RALGAPA2: variants seen among roughly 807,000 people sequenced by gnomAD.
RALGAPA2 encodes the protein Ral GTPase activating protein catalytic subunit alpha 2.
Under a neutral mutation model 230.4 loss-of-function variants are expected in RALGAPA2, and 139 were observed. The observed-to-expected ratio is 0.60, with a 90% confidence interval of 0.53 to 0.69. The LOEUF (loss-of-function observed/expected upper bound fraction) is 0.69. RALGAPA2 is among the 30% of genes least tolerant of loss of function. The pLI is 0.00. For synonymous variants in RALGAPA2, 847 were observed against 837.8 expected (o/e 1.01, Z -0.19); for missense variants, 2,163 against 2,276.0 (o/e 0.95, Z 1.01).
chr20:20,404,921 T>C (rs2059915239), intron 38 of RALGAPA2, among the ~76,000 whole-genome samples: 1 of 152,222 alleles, frequency 6.6e-6, no homozygotes, highest in South Asian at 2.1e-4. Context: ...TCTGGGAACC[T>C]ATGAATACTC....
chr20:20,603,775 A>T (rs1164023587), intron 15 of RALGAPA2, among the ~76,000 whole-genome samples: 1 of 152,238 alleles, frequency 6.6e-6, no homozygotes, highest in African/African-American at 2.4e-5. Context: ...CAACTCATCA[A>T]ATCAAGATAA....
At chr20:20,565,703 G>T (rs1050486189) in intron 23 of RALGAPA2, among the ~76,000 whole-genome samples, 4 of 152,142 alleles carry the variant, frequency 2.6e-5, no homozygotes, top group African/African-American at 9.7e-5. Context: ...AAAGCAAAAT[G>T]TTCCTACAAG....
Position 20,619,407 on chromosome 20 carries a change from GATGAGGCCTTCAGAAGAT to G in RALGAPA2, c.1402-11_1408del. ...AGATCGTTTATGACCAGAACTTTCA[GATGAGGCCTTCAGAAGAT>G]AATGATCCATTAACAGAGTGGAAGA... On this transcript the variant is annotated splice_acceptor_variant and splice_polypyrimidine_tract_variant and coding_sequence_variant and intron_variant, in exon 12 of 40. Transcript: ENST00000202677. LOFTEE classifies it high-confidence loss of function. 1 of 1,599,228 alleles carries G rather than the reference GATGAGGCCTTCAGAAGAT, an allele frequency of 6.3e-7. No individual in the cohort carries two copies. The highest frequency in any genetic ancestry group is 8.5e-7 in the Non-Finnish European group (1 of 1,171,010).
intron 37 of RALGAPA2, among the ~76,000 whole-genome samples, chr20:20,463,495 T>G (rs1169525221): frequency 6.6e-6 from 1 of 152,166 alleles, no homozygotes; most frequent in Non-Finnish European, 1.5e-5. Context: ...AAAGGGAAAA[T>G]TAATAAATTT....
chr20:20,680,614 T>A (rs746068999), intron 2 of RALGAPA2, 77 bp downstream of exon 2: 4 of 1,430,056 alleles, frequency 2.8e-6, no homozygotes, highest in Non-Finnish European at 3.7e-6. Context: ...TAAAAATGTA[T>A]AATTTGTGGC....
chr20:20,489,959 A>C (rs949351583), intron 36 of RALGAPA2, among the ~76,000 whole-genome samples: 5 of 152,264 alleles, frequency 3.3e-5, no homozygotes, highest in African/African-American at 1.2e-4. Context: ...AAAGCAAATA[A>C]GAAGAAGATG....
rs6137063 is a variant in RALGAPA2, at chr20:20,570,616, T to G, written c.3156+842A>C. On this transcript the variant is annotated intron_variant, in intron 23 of 39. Coordinates refer to ENST00000202677, the MANE Select transcript of RALGAPA2 (RefSeq NM_020343.4). ...TCTATTCCTTTCTTTCCATCCCCAA[T>G]GCTACCGGCTTAGTTCTTATCATTT... Among the ~76,000 whole-genome samples, 46 of 152,304 alleles carry G rather than the reference T, an allele frequency of 3.0e-4. 1 individual carries two copies. In the East Asian group the frequency reaches 8.9e-3, roughly 29 times the overall value.
chr20:20,449,777 C>T (rs2060947467), intron 37 of RALGAPA2, among the ~76,000 whole-genome samples: 1 of 152,180 alleles, frequency 6.6e-6, no homozygotes, highest in Non-Finnish European at 1.5e-5. Context: ...TAAATATATG[C>T]TGTTGTCTGG....
intron 3 of RALGAPA2, among the ~76,000 whole-genome samples, chr20:20,666,321 C>T (rs1377304443): frequency 2.0e-5 from 3 of 152,144 alleles, no homozygotes; most frequent in East Asian, 3.8e-4. Context: ...GACCAAAGAG[C>T]TGCATTCAAA....
chr20:20,615,263 C>T (rs1238569964), intron 13 of RALGAPA2, among the ~76,000 whole-genome samples: 4 of 151,416 alleles, frequency 2.6e-5, no homozygotes, highest in Admixed American at 1.3e-4. Flanking sequence ...CGGGTTCAAG[C>T]GATTCTCCTG....
intron 23 of RALGAPA2, among the ~76,000 whole-genome samples, chr20:20,566,788 G>A (rs1199791752): frequency 6.6e-6 from 1 of 152,198 alleles, no homozygotes; most frequent in East Asian, 1.9e-4. Flanking sequence ...CAGACAAGCT[G>A]ACTTGAGGTC....
intron 3 of RALGAPA2, among the ~76,000 whole-genome samples, chr20:20,668,870 A>G (rs554830959): frequency 3.3e-5 from 5 of 152,326 alleles, no homozygotes; most frequent in Non-Finnish European, 7.3e-5. Context: ...ACTTCCACAG[A>G]GTAACCACAA....
intron 37 of RALGAPA2, among the ~76,000 whole-genome samples, chr20:20,458,851 T>G (rs1239328813): frequency 1.4e-4 from 18 of 133,292 alleles, no homozygotes; most frequent in Middle Eastern, 3.8e-3. Context: ...TATATATATA[T>G]AGACCTATAT....
chr20:20,479,387 C>T (rs888436125), intron 36 of RALGAPA2, among the ~76,000 whole-genome samples: 2 of 152,054 alleles, frequency 1.3e-5, no homozygotes, highest in African/African-American at 4.8e-5. Context: ...CATACAAAAA[C>T]CCTAACAAAA....
intron 21 of RALGAPA2, 58 bp from the exon 22 acceptor site, chr20:20,572,004 T>C (rs568081807): frequency 1.5e-5 from 18 of 1,191,694 alleles, no homozygotes; most frequent in Middle Eastern, 1.9e-4. Flanking sequence ...CCCAACAGTA[T>C]TTCAACAGTC....
intron 36 of RALGAPA2, among the ~76,000 whole-genome samples, chr20:20,492,862 A>G (rs1368116242): frequency 6.6e-6 from 1 of 152,230 alleles, no homozygotes; most frequent in Non-Finnish European, 1.5e-5. Context: ...ATCAAGACAA[A>G]AAAAATTTGC....
chr20:20,652,539 C>T (rs536501716), intron 4 of RALGAPA2, among the ~76,000 whole-genome samples: 29 of 152,292 alleles, frequency 1.9e-4, no homozygotes, highest in African/African-American at 6.7e-4. Context: ...AAATGTCTCT[C>T]CCTCAACAAA....
chr20:20,692,380 G>C (rs578020375), intron 1 of RALGAPA2, among the ~76,000 whole-genome samples: 2 of 152,198 alleles, frequency 1.3e-5, no homozygotes, highest in Admixed American at 1.3e-4. Context: ...TAAAAACTGA[G>C]AGCAGCCTGG....
chr20:20,646,221 A>T (rs1038049155), intron 4 of RALGAPA2, among the ~76,000 whole-genome samples: 4 of 152,088 alleles, frequency 2.6e-5, no homozygotes, highest in Admixed American at 1.3e-4. Flanking sequence ...TGCCTGGCTA[A>T]TTTTTTGTAT....
Sources: allele counts gnomAD v4.1 joint callset (sites outside exome capture counted in the v4.1 genomes callset), GRCh38; gene constraint gnomAD v4.1.1; transcripts MANE v1.5; gene names NCBI Gene and HGNC (gene_info 2026-07-23, HGNC 2026-07-21).